The following PCID2 variants were observed in gnomAD, a reference collection of about 807,000 sequenced individuals.
PCID2 encodes the protein PCI domain-containing protein 2.
PCID2 carries 41 observed loss-of-function variants against 61.3 expected under a neutral mutation model. The observed-to-expected ratio is 0.67, with a 90% CI of 0.52 to 0.87. The LOEUF (loss-of-function observed/expected upper bound fraction) is 0.87, where lower values mean the gene tolerates loss of function less well. PCID2 is among the 40% of genes least tolerant of loss of function. The pLI, the probability that PCID2 is intolerant of heterozygous loss-of-function variation, is 0.00. For missense variants in PCID2, 392 were observed against 493.4 expected, an observed-to-expected ratio of 0.79 and a Z score of 1.95; for synonymous variants, 187 against 177.8, an observed-to-expected ratio of 1.05 and a Z score of -0.41.
chr13:113,200,757 A>G (rs1218907089), intron 1 of PCID2: 1 of 318,500 alleles, frequency 3.1e-6, no homozygotes, highest in Non-Finnish European at 5.6e-6. Flanking sequence ...CGGACTGCGG[A>G]CTGCAGTGGC....
intron 9 of PCID2, 104 bp from the exon 10 acceptor site, chr13:113,181,334 C>T (rs759703526): frequency 4.5e-6 from 3 of 664,916 alleles, no homozygotes; most frequent in Non-Finnish European, 8.0e-6. Context: ...AGGCAAAAGC[C>T]CCCTCCCTTT....
chr13:113,192,954 C>A (rs1443939005), intron 6 of PCID2, among the ~76,000 whole-genome samples: 15 of 152,140 alleles, frequency 9.9e-5, no homozygotes, highest in Admixed American at 9.8e-4. Flanking sequence ...CATGTGCAGA[C>A]ACAGCAAGAT....
the PCID2 span, among the ~76,000 whole-genome samples, chr13:113,171,027 A>G: frequency 1.3e-5 from 2 of 151,608 alleles, no homozygotes; most frequent in Non-Finnish European, 2.9e-5. This position sits in a 1 kb window ranked among gnomAD's most constrained non-coding sequence, Gnocchi z 5.1. Flanking sequence ...GGTTCAAGCG[A>G]TTCTCATGCC....
chr13:113,200,479 C>G lies in PCID2; in HGVS notation c.74G>C (p.Cys25Ser), dbSNP rs776910105. The change falls in exon 2 of 14, where the codon TGT (cysteine) becomes TCT (serine). Residue 25 changes from cysteine to serine, a missense_variant. Cys to Ser is a moderately radical substitution (Grantham distance 112). Coordinates refer to ENST00000337344, the MANE Select transcript of PCID2 (RefSeq NM_001127202.4). ...EAIDSRDGAS[C>S]AELVSFKHPH... is the part of the protein sequence containing the mutation. ...ATGTTTAAAAGACACCAACTCTGCA[C>G]AAGATGCTCCATCTCTGCTGTCGAT... The G allele has an allele frequency of 6.2e-7, 1 of 1,613,626 alleles. No homozygotes were observed. Among genetic ancestry groups the G allele is most frequent in the Non-Finnish European group, 8.5e-7 (1 of 1,179,554 alleles).
chr13:113,198,912 G>A (rs2039219133), intron 2 of PCID2, among the ~76,000 whole-genome samples: 1 of 152,208 alleles, frequency 6.6e-6, no homozygotes, highest in Admixed American at 6.5e-5. Flanking sequence ...GGTTTAGTAA[G>A]TGAGGTCTAA....
rs1225562564 is a variant in PCID2, at chr13:113,180,046, G to A, written c.861-4C>T. The A allele has an allele frequency of 1.2e-6, 2 of 1,613,954 alleles. No homozygotes were observed. Among genetic ancestry groups the A allele is most frequent in the Admixed American group, 1.7e-5 (1 of 60,014 alleles). ...CAGCAGCAGCAGGTTGCCCTCGCTG[G>A]TGAGGGGGGAGGCGCGTCAGAAGGA... On this transcript the variant is annotated splice_polypyrimidine_tract_variant and splice_region_variant and intron_variant, in intron 11 of 13. Coordinates refer to ENST00000337344, the MANE Select transcript of PCID2 (RefSeq NM_001127202.4).
the PCID2 span, chr13:113,165,156 TTA>T: frequency 5.7e-6 from 9 of 1,577,490 alleles, no homozygotes; most frequent in Non-Finnish European, 6.9e-6. Context: ...CAATTTATTG[TTA>T]TGACTTTCAC....
At chr13:113,204,520 C>A (rs868432586) in intron 1 of PCID2, among the ~76,000 whole-genome samples, 2 of 152,160 alleles carry the variant, frequency 1.3e-5, no homozygotes, top group South Asian at 2.1e-4. Context: ...GTGGTCCCTG[C>A]ACATATGCAG....
intron 1 of PCID2, among the ~76,000 whole-genome samples, chr13:113,200,885 C>G (rs2039380754): frequency 6.6e-6 from 1 of 151,730 alleles, no homozygotes; most frequent in East Asian, 1.9e-4. Flanking sequence ...TCGAGACCAT[C>G]CTGGACAACA....
At chr13:113,202,729 T>C (rs376127074) in intron 1 of PCID2, among the ~76,000 whole-genome samples, 153 of 152,204 alleles carry the variant, frequency 1.0e-3, no homozygotes, top group African/African-American at 3.5e-3. Context: ...CAAAAGGAAA[T>C]ACAGGATGGA....
chr13:113,200,745 G>C, intron 1 of PCID2: 1 of 347,464 alleles, frequency 2.9e-6, no homozygotes, highest in Non-Finnish European at 5.3e-6. Flanking sequence ...TGTCGCCCAG[G>C]TCGGACTGCG....
chr13:113,188,000 G>A (rs1481260507), intron 7 of PCID2: 1 of 152,230 alleles, frequency 6.6e-6, no homozygotes, highest in East Asian at 1.9e-4. Flanking sequence ...AGCTCCTGGG[G>A]TGCAAGGAAC....
chr13:113,170,580 T>C, the PCID2 span: 11 of 1,096,880 alleles, frequency 1.0e-5, no homozygotes, highest in Non-Finnish European at 1.4e-5. Flanking sequence ...AAATACACTA[T>C]CCTATGTAAG....
At chr13:113,186,931 T>C (rs1444012808) in intron 7 of PCID2, 1 of 152,206 alleles carries the variant, frequency 6.6e-6, no homozygotes, top group Non-Finnish European at 1.5e-5. Context: ...ATAAAATTAC[T>C]CTTAAAGACC....
intron 4 of PCID2, 64 bp from the exon 5 acceptor site, chr13:113,196,286 G>T: frequency 8.0e-7 from 1 of 1,252,604 alleles, no homozygotes; most frequent in South Asian, 1.3e-5. Flanking sequence ...TAAAAGTAAA[G>T]AATAAGAATC....
intron 7 of PCID2, among the ~76,000 whole-genome samples, chr13:113,189,720 A>G (rs2038434871): frequency 1.5e-3 from 1 of 680 alleles, no homozygotes; most frequent in African/African-American, 1.7e-3. Context: ...GAAGGAGAGG[A>G]AAAAAAAAAA....
intron 6 of PCID2, 142 bp downstream of exon 6, chr13:113,194,923 GTCAATA>G: frequency 1.5e-6 from 1 of 650,206 alleles, no homozygotes; most frequent in East Asian, 2.7e-5. Flanking sequence ...AGAAAGAATA[GTCAATA>G]TCTTTCTTTT....
intron 13 of PCID2, 114 bp downstream of exon 13, chr13:113,178,852 A>G: frequency 1.2e-6 from 1 of 842,974 alleles, no homozygotes; most frequent in Non-Finnish European, 1.7e-6. Flanking sequence ...TAGTTCTATC[A>G]AAAAAAAAGC....
At chr13:113,201,454 T>C (rs1429859260) in intron 1 of PCID2, among the ~76,000 whole-genome samples, 1 of 152,084 alleles carries the variant, frequency 6.6e-6, no homozygotes, top group East Asian at 1.9e-4. Flanking sequence ...CCTTTTGCCC[T>C]ATCTAGCGCC....
Sources: allele counts gnomAD v4.1 joint callset (sites outside exome capture counted in the v4.1 genomes callset), GRCh38; gene constraint gnomAD v4.1.1; non-coding constraint Gnocchi (gnomAD v3.1); transcripts MANE v1.5; gene names NCBI Gene and HGNC (gene_info 2026-07-23, HGNC 2026-07-21).